The following PDE4B variants were observed in gnomAD, a reference collection of about 807,000 sequenced individuals.
PDE4B encodes the protein phosphodiesterase 4B, also known as 3',5'-cyclic-AMP phosphodiesterase 4B.
Under a neutral mutation model 82.2 loss-of-function variants are expected in PDE4B, and 20 were observed. That is an observed-to-expected ratio of 0.24 (90% CI 0.17 to 0.35). PDE4B has a LOEUF of 0.35. PDE4B is among the 10% of genes least tolerant of loss of function. The pLI, the probability that PDE4B is intolerant of heterozygous loss-of-function variation, is 1.00. For missense variants in PDE4B, 655 were observed against 907.2 expected (o/e 0.72, Z 3.57); for synonymous variants, 320 against 318.9 (o/e 1.00, Z -0.04).
intron 8 of PDE4B, among the ~76,000 whole-genome samples, chr1:66,335,132 C>T (rs1660417265): frequency 6.6e-6 from 1 of 152,198 alleles, no homozygotes. Flanking sequence ...ATTTTGCTTA[C>T]CCTTATCAAC....
At chr1:66,371,093 ACT>A (rs2050748778) in intron 16 of PDE4B, among the ~76,000 whole-genome samples, 2 of 48,928 alleles carry the variant, frequency 4.1e-5, no homozygotes, top group Non-Finnish European at 8.0e-5. Flanking sequence ...CACACATCAT[ACT>A]ATATATATAT....
At chr1:66,315,715 C>T (rs1324856032) in intron 7 of PDE4B, among the ~76,000 whole-genome samples, 3 of 152,220 alleles carry the variant, frequency 2.0e-5, no homozygotes, top group African/African-American at 7.2e-5. Flanking sequence ...GCCTCGGCCT[C>T]ACAAAGTGAA....
At chr1:66,274,044 G>A (rs1263855796) in intron 7 of PDE4B, among the ~76,000 whole-genome samples, 2 of 152,230 alleles carry the variant, frequency 1.3e-5, no homozygotes, top group Non-Finnish European at 2.9e-5. Context: ...GCCTGGCATT[G>A]TGCTTGCCAC....
intron 1 of PDE4B, among the ~76,000 whole-genome samples, chr1:65,896,576 G>T (rs1238469606): frequency 6.6e-6 from 1 of 152,152 alleles, no homozygotes; most frequent in Non-Finnish European, 1.5e-5. Context: ...TTAGCTTTAT[G>T]ATAAAAGAGA....
intron 3 of PDE4B, among the ~76,000 whole-genome samples, chr1:66,025,114 C>T (rs1362623711): frequency 6.6e-6 from 1 of 151,998 alleles, no homozygotes; most frequent in East Asian, 1.9e-4. Context: ...TTGTCCATTA[C>T]ATCTTAGTTG....
chr1:66,342,689 C>T (rs894241825), intron 8 of PDE4B, among the ~76,000 whole-genome samples: 2 of 149,442 alleles, frequency 1.3e-5, no homozygotes, highest in Non-Finnish European at 3.0e-5. Context: ...AGATCACATC[C>T]ACTGAACTCC....
intron 6 of PDE4B, among the ~76,000 whole-genome samples, chr1:66,265,789 A>T (rs1459250293): frequency 6.6e-6 from 1 of 152,194 alleles, no homozygotes; most frequent in Non-Finnish European, 1.5e-5. Context: ...CCTGGAGTAA[A>T]CAACTTCCTT....
intron 3 of PDE4B, among the ~76,000 whole-genome samples, chr1:66,020,954 C>T (rs1189611534): frequency 1.3e-5 from 2 of 152,142 alleles, no homozygotes; most frequent in Non-Finnish European, 2.9e-5. Context: ...CGTTCCTACT[C>T]CTCCACATCC....
Position 65,873,596 on chromosome 1 carries a change from A to G in PDE4B, c.-70-39649A>G, listed in dbSNP as rs142942630. ...TAATCATCACATACTTTCCTCAGTT[A>G]CTTCTTTGAAATATAAAAAAGACAT... is the stretch of plus-strand genomic sequence containing the variant. On this transcript the variant is annotated intron_variant, in intron 1 of 16. Transcript: ENST00000341517. Among the ~76,000 whole-genome samples the G allele has an allele frequency of 2.6e-3, 390 of 152,322 alleles. 3 individuals are homozygous for G. The highest frequency in any genetic ancestry group is 8.8e-3 in the African/African-American group (366 of 41,572).
intron 3 of PDE4B, among the ~76,000 whole-genome samples, chr1:65,972,362 C>T (rs1369509477): frequency 6.6e-6 from 1 of 151,564 alleles, no homozygotes; most frequent in Non-Finnish European, 1.5e-5. Context: ...ATTTTTTTGT[C>T]AATTGGGATT....
chr1:66,284,279 C>G (rs1304449650), intron 7 of PDE4B, among the ~76,000 whole-genome samples: 1 of 152,144 alleles, frequency 6.6e-6, no homozygotes, highest in Admixed American at 6.5e-5. Context: ...ATAGCTCGGT[C>G]ATTCATTATA....
intron 1 of PDE4B, among the ~76,000 whole-genome samples, chr1:65,814,365 A>G (rs1191175789): frequency 6.6e-6 from 1 of 152,248 alleles, no homozygotes; most frequent in Non-Finnish European, 1.5e-5. Flanking sequence ...GATGAAATAC[A>G]TTGATAAAAG....
intron 1 of PDE4B, among the ~76,000 whole-genome samples, chr1:65,854,012 T>G (rs2100225286): frequency 6.6e-6 from 1 of 152,264 alleles, no homozygotes; most frequent in East Asian, 1.9e-4. Context: ...CATGGTTTTC[T>G]GTGCCCAGTG....
chr1:66,368,999 G>A, intron 16 of PDE4B, 30 bp downstream of exon 16: 1 of 1,546,500 alleles, frequency 6.5e-7, no homozygotes, highest in Non-Finnish European at 8.8e-7. Context: ...CAAAGTTTTT[G>A]TGAGCTCTGC....
At chr1:66,105,580 T>C (rs1645332405) in intron 3 of PDE4B, among the ~76,000 whole-genome samples, 4 of 152,202 alleles carry the variant, frequency 2.6e-5, no homozygotes, top group African/African-American at 4.8e-5. Flanking sequence ...GAGCATGGAA[T>C]GTTGTTCCAT....
chr1:66,082,602 C>A (rs4427379), intron 3 of PDE4B, among the ~76,000 whole-genome samples: 113,651 of 150,958 alleles, frequency 0.75, 43,598 homozygotes, highest in Non-Finnish European at 0.84. Context: ...GGAGATAGTA[C>A]TAGTATCTAC....
chr1:65,923,005 C>T (rs534710555), intron 3 of PDE4B, among the ~76,000 whole-genome samples: 1 of 151,708 alleles, frequency 6.6e-6, no homozygotes, highest in Non-Finnish European at 1.5e-5. Flanking sequence ...TCCCCCCAAC[C>T]CCCTCCCCCA....
chr1:65,958,872 T>C (rs1312134435), intron 3 of PDE4B, among the ~76,000 whole-genome samples: 1 of 152,236 alleles, frequency 6.6e-6, no homozygotes, highest in Non-Finnish European at 1.5e-5. Flanking sequence ...TCTGTAGTTA[T>C]GACTTATATA....
Position 66,332,514 on chromosome 1 carries a change from C to G in PDE4B, c.641C>G (p.Ser214Cys). ...CCTGTGTGTTTGTTTGCAGAAGAATCTTATCAAAAATTAGCAATGGAAACG... is the reference window on the plus strand; with the variant it reads ...CCTGTGTGTTTGTTTGCAGAAGAATGTTATCAAAAATTAGCAATGGAAACG... ...PVSRVNPQEE[S>C]YQKLAMETLE... is the part of the protein sequence containing the mutation. The change falls in exon 8 of 17, where the codon TCT (serine) becomes TGT (cysteine). Residue 214 changes from serine (S) to cysteine (C), a missense_variant. Ser to Cys is a moderately radical substitution (Grantham distance 112). This residue lies in a region of PDE4B where 253 missense variants were observed against 275.6 expected (regional missense o/e 0.92). Coordinates refer to ENST00000341517, the MANE Select transcript of PDE4B (RefSeq NM_002600.4). 6.2e-7 allele frequency: 1 copy of G among 1,614,144 alleles called. No homozygotes were observed. Among genetic ancestry groups the G allele is most frequent in the Non-Finnish European group, 8.5e-7 (1 of 1,180,028 alleles).
Sources: gnomAD v4.1 joint callset for allele counts (sites outside exome capture counted in the v4.1 genomes callset) on GRCh38, gnomAD v4.1.1 for gene constraint, gnomAD v4.1.1 regional missense constraint, MANE v1.5 for transcripts, NCBI Gene and HGNC (gene_info 2026-07-23, HGNC 2026-07-21) for gene names.